The following SPTBN1 variants were observed in gnomAD, a reference collection of about 807,000 sequenced individuals.
SPTBN1 encodes spectrin beta, non-erythrocytic 1.
SPTBN1 carries 32 observed loss-of-function variants against 266.4 expected under a neutral mutation model. The observed-to-expected ratio is 0.12, with a 90% CI of 0.09 to 0.16. SPTBN1 has a LOEUF of 0.16. Ranked by LOEUF, SPTBN1 falls within the 10% of genes least tolerant of loss-of-function variation. SPTBN1 has a pLI of 1.00. For synonymous variants in SPTBN1, 1,336 were observed against 1,162.2 expected (o/e 1.15, Z -3.04); for missense variants, 2,296 against 3,067.1 (o/e 0.75, Z 5.94).
intron 2 of SPTBN1, among the ~76,000 whole-genome samples, chr2:54,571,572 C>CAT (rs1464604593): frequency 1.8e-3 from 110 of 60,842 alleles, no homozygotes; most frequent in South Asian, 4.3e-3. Flanking sequence ...CACACACACA[C>CAT]ACATACACAC....
intron 1 of SPTBN1, among the ~76,000 whole-genome samples, chr2:54,457,863 T>C (rs986839118): frequency 3.9e-5 from 6 of 152,242 alleles, no homozygotes; most frequent in African/African-American, 9.6e-5. Context: ...CTTCTTGGGC[T>C]GCGCTCTGCC....
intron 2 of SPTBN1, among the ~76,000 whole-genome samples, chr2:54,584,534 C>G (rs1675156913): frequency 6.6e-6 from 1 of 152,178 alleles, no homozygotes; most frequent in South Asian, 2.1e-4. Context: ...AAGGATTTGT[C>G]TTTCAAATGT....
chr2:54,474,810 T>A (rs1044213670), intron 1 of SPTBN1, among the ~76,000 whole-genome samples: 1 of 152,202 alleles, frequency 6.6e-6, no homozygotes. Context: ...AGAGCTGTTT[T>A]GTATTTTCTG....
At chr2:54,614,194 A>C (rs1049588213) in intron 4 of SPTBN1, among the ~76,000 whole-genome samples, 15 of 152,262 alleles carry the variant, frequency 9.9e-5, no homozygotes, top group Admixed American at 7.8e-4. Context: ...AGCTTTATTA[A>C]AACATTACCT....
intron 17 of SPTBN1, among the ~76,000 whole-genome samples, chr2:54,634,047 A>G (rs10187734): frequency 0.019 from 2,956 of 152,350 alleles, 93 homozygotes; most frequent in African/African-American, 0.067. Flanking sequence ...TGGGCAAAGC[A>G]TTCATAACCT....
intron 30 of SPTBN1, 59 bp downstream of exon 30, chr2:54,658,105 T>A: frequency 1.9e-6 from 3 of 1,598,124 alleles, no homozygotes; most frequent in Non-Finnish European, 2.6e-6. Context: ...TCTTCCTGCT[T>A]GCCTCTTAGA....
At position 54,639,334 on chromosome 2, in the gene SPTBN1, A is replaced by G. The variant is rs549895681; in HGVS notation, c.3858+1531A>G. Among the ~76,000 whole-genome samples, 176 of 152,342 alleles carry G rather than the reference A, an allele frequency of 1.2e-3. 6 individuals are homozygous for G. The South Asian group carries it at 0.032, about 28-fold the overall frequency. On this transcript the variant is annotated intron_variant, in intron 18 of 35. Coordinates refer to ENST00000356805, the MANE Select transcript of SPTBN1 (RefSeq NM_003128.3). Reference sequence around the variant, plus strand: ...TGGGCTGGGCCTTCCACAGATTGGTAGTCCCTGTTTCACCTTGAGAAACCA... The same window carrying G: ...TGGGCTGGGCCTTCCACAGATTGGTGGTCCCTGTTTCACCTTGAGAAACCA...
At chr2:54,665,246 A>G (rs1681294532) in intron 33 of SPTBN1, among the ~76,000 whole-genome samples, 1 of 152,234 alleles carries the variant, frequency 6.6e-6, no homozygotes, top group Non-Finnish European at 1.5e-5. Context: ...TGGGACCACC[A>G]TATCTTACTG....
chr2:54,490,688 A>G (rs982328886), intron 1 of SPTBN1, among the ~76,000 whole-genome samples: 1 of 152,194 alleles, frequency 6.6e-6, no homozygotes, highest in African/African-American at 2.4e-5. Context: ...TCTGGTCAAT[A>G]GGCATCTTAT....
chr2:54,535,859 A>C (rs1671566731), intron 2 of SPTBN1, among the ~76,000 whole-genome samples: 1 of 152,246 alleles, frequency 6.6e-6, no homozygotes, highest in African/African-American at 2.4e-5. Flanking sequence ...TAAAAATACA[A>C]AATGAGCCGG....
intron 18 of SPTBN1, 74 bp from the exon 19 acceptor site, chr2:54,642,907 AAC>A: frequency 6.5e-7 from 1 of 1,548,820 alleles, no homozygotes; most frequent in Non-Finnish European, 8.7e-7. Context: ...ATATGACATA[AAC>A]ACAACCCTTT....
chr2:54,628,954 A>C lies in SPTBN1; in HGVS notation c.1820A>C (p.Gln607Pro). 1 of 1,607,172 alleles carries C rather than the reference A, an allele frequency of 6.2e-7. No homozygotes were observed. The highest frequency in any genetic ancestry group is 1.1e-5 in the South Asian group (1 of 90,094). Residue 607 changes from glutamine (Q) to proline (P), a missense_variant, in exon 14 of 36, where the codon CAG becomes CCG. By Grantham distance (76) the Gln-to-Pro change is moderately conservative. Coordinates refer to ENST00000356805, the MANE Select transcript of SPTBN1 (RefSeq NM_003128.3). This position sits in a 1 kb window ranked among gnomAD's most constrained non-coding sequence, Gnocchi z 4.3. ...ACAGGTTACAAGCCCTGTGACCCCC[A>C]GGTGATCCGAGACCGCGTGGCCCAC... ...DGEGYKPCDP[Q>P]VIRDRVAHME...
At position 54,631,044 on chromosome 2, in the gene SPTBN1, C is replaced by T. The variant is rs61730126; in HGVS notation, c.2997C>T (p.Thr999=). Residue 999 remains threonine (T), a synonymous_variant, in exon 16 of 36, where the codon ACC becomes ACT. Coordinates refer to ENST00000356805, the MANE Select transcript of SPTBN1 (RefSeq NM_003128.3). ...TCATGGCCCTGCAGCGCAAGCTGACCGGCATGGAGCGGGACTTGGTGGCCA... is the reference window on the plus strand; with the variant it reads ...TCATGGCCCTGCAGCGCAAGCTGACTGGCATGGAGCGGGACTTGGTGGCCA... The part of the protein sequence containing the change: ...AGVMALQRKL[T]GMERDLVAIE... 1.1e-3 allele frequency: 1,701 copies of T among 1,613,854 alleles called. 25 individuals carry two copies. In the African/African-American group the frequency reaches 0.02, roughly 19 times the overall value.
chr2:54,558,917 C>T lies in SPTBN1; in HGVS notation c.148+32351C>T, dbSNP rs1487706909. ...GCCCCCTCCCAAAGGCCGGGCCTGT[C>T]CTGGGTGCCAACGGGGGTTCTTGGA... On this transcript the variant is annotated intron_variant, in intron 2 of 35. Coordinates refer to ENST00000356805, the MANE Select transcript of SPTBN1 (RefSeq NM_003128.3). The surrounding 1 kb of genome is among the most constrained non-coding windows in gnomAD (Gnocchi z 4.6). 3 of 1,603,636 alleles carry T rather than the reference C, an allele frequency of 1.9e-6. No homozygotes were observed. Among genetic ancestry groups the T allele is most frequent in the Non-Finnish European group, 2.6e-6 (3 of 1,174,820 alleles).
chr2:54,647,622 T>G (rs1680006300), intron 24 of SPTBN1, among the ~76,000 whole-genome samples: 1 of 152,134 alleles, frequency 6.6e-6, no homozygotes, highest in South Asian at 2.1e-4. Context: ...GAGGATTGCT[T>G]GAGCCCAGGG....
intron 4 of SPTBN1, 34 bp from the exon 5 acceptor site, chr2:54,616,173 A>G: frequency 6.3e-7 from 1 of 1,595,268 alleles, no homozygotes. Context: ...CAGCTGACCC[A>G]TCTATTTGTC....
At chr2:54,625,554 G>GA (rs1678265278) in intron 11 of SPTBN1, among the ~76,000 whole-genome samples, 1 of 149,452 alleles carries the variant, frequency 6.7e-6, no homozygotes. Context: ...TCCTTTTTTG[G>GA]AGGGGGGGTG....
rs769626909 is a variant in SPTBN1, at chr2:54,587,711, T to C, written c.149-11381T>C. On this transcript the variant is annotated intron_variant, in intron 2 of 35. Transcript: ENST00000356805. ...GCCTCAAGCTGTTCCACCCTTCTCA[T>C]CCTTTGAAGGTGAGGGTGCAGCCTT... Among the ~76,000 whole-genome samples, 3 of 152,144 alleles carry C rather than the reference T, an allele frequency of 2.0e-5. 1 individual carries two copies. The highest frequency in any genetic ancestry group is 4.4e-5 in the Non-Finnish European group (3 of 68,018).
In SPTBN1 at chr2:54,558,979, C is replaced by CATT; in HGVS notation, c.148+32414_148+32415insTTA. 2 of 1,458,528 alleles carry CATT rather than the reference C, an allele frequency of 1.4e-6. No homozygotes were observed. Among genetic ancestry groups the CATT allele is most frequent in the Non-Finnish European group, 9.3e-7 (1 of 1,078,656 alleles). 90.3% of individuals were successfully genotyped at this position (1,458,528 alleles called of 1,614,324 possible). On this transcript the variant is annotated intron_variant, in intron 2 of 35. Coordinates refer to ENST00000356805, the MANE Select transcript of SPTBN1 (RefSeq NM_003128.3). The surrounding 1 kb of genome is among the most constrained non-coding windows in gnomAD (Gnocchi z 4.6). Reference sequence around the variant, plus strand: ...TGACCCTAATGAAGACGGGCGGCTTCACAGCTCGGCCCCAGACCCTGTGGT... The same window carrying CATT: ...TGACCCTAATGAAGACGGGCGGCTTCATTACAGCTCGGCCCCAGACCCTGTGGT...
Sources: allele counts gnomAD v4.1 joint callset (sites outside exome capture counted in the v4.1 genomes callset), GRCh38; gene constraint gnomAD v4.1.1; non-coding constraint Gnocchi (gnomAD v3.1); transcripts MANE v1.5; gene names NCBI Gene and HGNC (gene_info 2026-07-23, HGNC 2026-07-21).